Variants in CAMSAP1 observed in about 807,000 individuals in gnomAD.
CAMSAP1 encodes calmodulin-regulated spectrin-associated protein 1.
In CAMSAP1, 58 loss-of-function variants were observed where a neutral mutation model predicts 143.5. The observed-to-expected ratio is 0.40, with a 90% CI of 0.33 to 0.50. The LOEUF is 0.50. CAMSAP1 is among the 20% of genes least tolerant of loss of function. The probability of loss-of-function intolerance (pLI) is 0.45; values close to 1 mark genes in which losing one functional copy is unlikely to be tolerated. For synonymous variants in CAMSAP1, 945 were observed against 859.3 expected, an observed-to-expected ratio of 1.10 and a Z score of -1.74; for missense variants, 1,969 against 2,115.7, an observed-to-expected ratio of 0.93 and a Z score of 1.36.
chr9:135,809,201 G>A lies in CAMSAP1; in HGVS notation c.*2108C>T, dbSNP rs1213388353. The stretch of plus-strand genomic sequence containing the variant: ...TAATTAAAAGGGTTGCTGTGTCCAA[G>A]CATGAAGAACGCAGGGACGCTTCTG... On this transcript the variant is annotated 3_prime_UTR_variant, in exon 17 of 17. Coordinates refer to ENST00000389532, the MANE Select transcript of CAMSAP1 (RefSeq NM_015447.4). The A allele has an allele frequency of 6.6e-6, 1 of 152,208 alleles. No individual in the cohort carries two copies. Among genetic ancestry groups the A allele is most frequent in the Non-Finnish European group, 1.5e-5 (1 of 68,036 alleles). The allele number at this position is 152,208 out of a possible 1,614,324, so 9.4% of individuals were successfully genotyped here.
At chr9:135,887,520 C>G (rs949997852) in intron 1 of CAMSAP1, among the ~76,000 whole-genome samples, 1 of 152,160 alleles carries the variant, frequency 6.6e-6, no homozygotes, top group Non-Finnish European at 1.5e-5. Flanking sequence ...AAAACCCAAT[C>G]AATGGGAGAG....
intron 3 of CAMSAP1, among the ~76,000 whole-genome samples, chr9:135,878,463 A>G (rs1837825415): frequency 1.3e-5 from 2 of 152,260 alleles, no homozygotes; most frequent in African/African-American, 4.8e-5. Flanking sequence ...GGCATCTTGG[A>G]AACATGGTAT....
chr9:135,878,197 C>T (rs574428352), intron 3 of CAMSAP1, among the ~76,000 whole-genome samples: 34 of 152,132 alleles, frequency 2.2e-4, no homozygotes, highest in Non-Finnish European at 4.0e-4. Flanking sequence ...CAGGAGGAGA[C>T]GGGTGAGCGG....
intron 3 of CAMSAP1, among the ~76,000 whole-genome samples, chr9:135,871,368 T>C (rs1404793959): frequency 6.6e-6 from 1 of 152,070 alleles, no homozygotes; most frequent in African/African-American, 2.4e-5. Context: ...TTTAATAATT[T>C]TTGTAGATGG....
chr9:135,837,468 C>T (rs949062973), intron 7 of CAMSAP1, among the ~76,000 whole-genome samples: 2 of 148,486 alleles, frequency 1.3e-5, no homozygotes, highest in Admixed American at 6.7e-5. Context: ...CGCTTTCTAC[C>T]CCTTCTACAG....
chr9:135,836,587 C>T (rs1275941003), intron 7 of CAMSAP1: 7 of 984,374 alleles, frequency 7.1e-6, no homozygotes, highest in Non-Finnish European at 8.4e-6. Context: ...ACACTTTCTA[C>T]CCATTCTGCA....
intron 5 of CAMSAP1, among the ~76,000 whole-genome samples, chr9:135,858,863 A>C (rs530334296): frequency 2.5e-4 from 38 of 152,386 alleles, no homozygotes; most frequent in Middle Eastern, 3.4e-3. Flanking sequence ...AAGGACAGGA[A>C]GAGAGAAGGT....
chr9:135,893,741 A>G (rs1340834944), intron 1 of CAMSAP1, among the ~76,000 whole-genome samples: 1 of 152,240 alleles, frequency 6.6e-6, no homozygotes, highest in African/African-American at 2.4e-5. Context: ...AAAGACATCT[A>G]CAGACCAAAG....
At chr9:135,870,550 T>G (rs1000056506) in intron 3 of CAMSAP1, among the ~76,000 whole-genome samples, 2 of 152,184 alleles carry the variant, frequency 1.3e-5, no homozygotes, top group African/African-American at 4.8e-5. Context: ...TCCCAGCACT[T>G]TGGGAGCCCG....
rs765065756 is a variant in CAMSAP1 at position 135,820,908 on chromosome 9, T to G, written c.3753A>C (p.Val1251=). The stretch of plus-strand genomic sequence containing the variant: ...CAAGGTCCGCCGAGCCATCGAGGCT[T>G]ACCAGCTCCCCATCCTCGTCGGGGG... ...LKAPDEDGEL[V]SLDGSADLVS... The change falls in exon 11 of 17, where the codon GTA becomes GTC. Residue 1251 remains valine (V), a synonymous_variant. Coordinates refer to ENST00000389532, the MANE Select transcript of CAMSAP1 (RefSeq NM_015447.4). The surrounding 1 kb of genome is among the most constrained non-coding windows in gnomAD (Gnocchi z 4.4). 1.9e-6 allele frequency: 3 copies of G among 1,613,854 alleles called. No individual in the cohort carries two copies. Among genetic ancestry groups the G allele is most frequent in the Admixed American group, 1.7e-5 (1 of 60,034 alleles).
chr9:135,854,120 C>G (rs968845845), intron 5 of CAMSAP1, among the ~76,000 whole-genome samples: 3 of 152,238 alleles, frequency 2.0e-5, no homozygotes, highest in African/African-American at 7.2e-5. Flanking sequence ...AACACAGGAG[C>G]TGACAATTCC....
intron 5 of CAMSAP1, among the ~76,000 whole-genome samples, chr9:135,853,103 C>T (rs1349102170): frequency 2.0e-5 from 3 of 152,144 alleles, no homozygotes; most frequent in Non-Finnish European, 2.9e-5. Context: ...CCACCTGCAC[C>T]AAGGGGTGAA....
rs768288600 is a variant in CAMSAP1, at chr9:135,818,999, G to A, written c.3959+11C>T. ...TGCTCAGTCTGCTTTCCCCCCCGGC[G>A]GGACGCTTACCGGGCTTCGTCACGC... On this transcript the variant is annotated intron_variant, in intron 12 of 16. Transcript: ENST00000389532. This position sits in a 1 kb window ranked among gnomAD's most constrained non-coding sequence, Gnocchi z 7.7. The A allele has an allele frequency of 8.1e-6, 13 of 1,604,274 alleles. No individual in the cohort carries two copies. In the East Asian group the frequency reaches 1.6e-4, roughly 19 times the overall value.
chr9:135,865,377 C>T lies in CAMSAP1; in HGVS notation c.666+1079G>A, dbSNP rs1387670549. The T allele has an allele frequency of 3.9e-6, 6 of 1,550,632 alleles. No individual in the cohort carries two copies. The Admixed American group carries it at 5.9e-5, about 15-fold the overall frequency. ...ACTTGGAGGGAGACTGCTCAGGAAG[C>T]GAGAGAAGGAAGGCAGGAGAGGAGC... On this transcript the variant is annotated intron_variant, in intron 4 of 16. Coordinates refer to ENST00000389532, the MANE Select transcript of CAMSAP1 (RefSeq NM_015447.4).
At chr9:135,862,376 T>C (rs1209254937) in intron 5 of CAMSAP1, 91 bp downstream of exon 5, 89 of 1,350,984 alleles carry the variant, frequency 6.6e-5, no homozygotes, top group South Asian at 7.7e-5. Context: ...TCTTTCTCTT[T>C]TTTTTTTTTA....
At chr9:135,862,730 T>C in intron 4 of CAMSAP1, 122 bp from the exon 5 acceptor site, 2 of 1,036,218 alleles carry the variant, frequency 1.9e-6, no homozygotes, top group Non-Finnish European at 2.8e-6. Flanking sequence ...GGAGAACAAT[T>C]GCAATAATCT....
At position 135,818,343 on chromosome 9, in the gene CAMSAP1, T is replaced by A; in HGVS notation, c.4168+65A>T. ...TCTTGATGACAAAATTGAAATGAGC[T>A]GAAGAACGTGAGGCCGCCGCCCGCG... On this transcript the variant is annotated intron_variant, in intron 13 of 16. Transcript: ENST00000389532. This position sits in a 1 kb window ranked among gnomAD's most constrained non-coding sequence, Gnocchi z 7.7. The A allele has an allele frequency of 6.8e-7, 1 of 1,473,424 alleles. No homozygotes were observed. Among genetic ancestry groups the A allele is most frequent in the East Asian group, 2.5e-5 (1 of 40,302 alleles). 91.3% of individuals were successfully genotyped at this position (1,473,424 alleles called of 1,614,324 possible). A position where few individuals can be genotyped will look rare whatever the true frequency, so the allele number is the denominator to read the frequency against.
chr9:135,816,155 TC>T, intron 14 of CAMSAP1, 150 bp from the exon 15 acceptor site: 1 of 658,296 alleles, frequency 1.5e-6, no homozygotes, highest in South Asian at 1.8e-5. Flanking sequence ...TTGCCACAAC[TC>T]CCACACAGTA....
intron 15 of CAMSAP1, 138 bp from the exon 16 acceptor site, chr9:135,815,353 G>A (rs991792426): frequency 2.3e-5 from 11 of 486,352 alleles, no homozygotes; most frequent in Non-Finnish European, 3.9e-5. Context: ...AAAATGGGAA[G>A]TAAAAACCAC....
Sources: gnomAD v4.1 joint callset for allele counts (sites outside exome capture counted in the v4.1 genomes callset) on GRCh38, gnomAD v4.1.1 for gene constraint, Gnocchi (gnomAD v3.1) non-coding constraint, MANE v1.5 for transcripts, NCBI Gene and HGNC (gene_info 2026-07-23, HGNC 2026-07-21) for gene names.